Variants in PPFIBP2 observed in about 807,000 individuals in gnomAD.
The protein encoded by PPFIBP2 is PPFIB scaffold protein 2.
PPFIBP2 carries 118 observed loss-of-function variants against 118.3 expected under a neutral mutation model. The observed-to-expected ratio is 1.00, with a 90% CI of 0.86 to 1.16. PPFIBP2 has a LOEUF of 1.16. Ranked by LOEUF, PPFIBP2 falls within the 50% of genes most tolerant of loss-of-function variation. The pLI is 0.00. For synonymous variants in PPFIBP2, 414 were observed against 397.4 expected (o/e 1.04, Z -0.50); for missense variants, 1,195 against 1,073.1 (o/e 1.11, Z -1.59).
intron 6 of PPFIBP2, among the ~76,000 whole-genome samples, chr11:7,614,200 A>C (rs1848380667): frequency 6.6e-6 from 1 of 152,214 alleles, no homozygotes; most frequent in South Asian, 2.1e-4. Context: ...TCAAAAATCA[A>C]GTGTTCAAAA....
At chr11:7,589,398 C>G (rs2135178658) in intron 3 of PPFIBP2, among the ~76,000 whole-genome samples, 2 of 152,164 alleles carry the variant, frequency 1.3e-5, no homozygotes, top group East Asian at 3.9e-4. Flanking sequence ...TTGAGACTAT[C>G]CTGGCCAACG....
At chr11:7,563,001 A>T (rs926604508) in intron 2 of PPFIBP2, among the ~76,000 whole-genome samples, 1 of 146,748 alleles carries the variant, frequency 6.8e-6, no homozygotes, top group African/African-American at 2.5e-5. Context: ...ATATGCCTGT[A>T]AAACTTGGCA....
At chr11:7,636,366 G>A (rs552548696) in intron 14 of PPFIBP2, among the ~76,000 whole-genome samples, 1 of 151,914 alleles carries the variant, frequency 6.6e-6, no homozygotes, top group Non-Finnish European at 1.5e-5. Flanking sequence ...CTATATAAGG[G>A]GCTTCTCTAC....
the PPFIBP2 span, among the ~76,000 whole-genome samples, chr11:7,662,839 GTTCAT>G: frequency 1.3e-5 from 2 of 151,146 alleles, no homozygotes; most frequent in South Asian, 2.1e-4. Context: ...TGGAGGCTTT[GTTCAT>G]TTCTTTTTAT....
rs752244618 is a variant in PPFIBP2, at chr11:7,565,593, GC to G, written c.107del (p.Pro36LeufsTer10). ...CAGATCTTAGTGATGGTACTTGTGA[GC>G]CTGGACTGGCTTCCCCGGCCTCCTA... Reference protein sequence around the residue: ...GADLSDGTCEPGLASPASYMN... With the variant: ...GADLSDGTCEXGLASPASYMN... On this transcript the variant is annotated frameshift_variant, in exon 3 of 24. Coordinates refer to ENST00000299492, the MANE Select transcript of PPFIBP2 (RefSeq NM_003621.5). LOFTEE classifies it high-confidence loss of function. 1.2e-6 allele frequency: 2 copies of G among 1,614,062 alleles called. No individual in the cohort carries two copies. Among genetic ancestry groups the G allele is most frequent in the African/African-American group, 2.7e-5 (2 of 74,928 alleles).
At chr11:7,541,256 A>G (rs532919887) in intron 1 of PPFIBP2, among the ~76,000 whole-genome samples, 1 of 152,332 alleles carries the variant, frequency 6.6e-6, no homozygotes, top group South Asian at 2.1e-4. Context: ...TTAACAGCAA[A>G]GTTTGAGGAC....
intron 3 of PPFIBP2, 22 bp downstream of exon 3, chr11:7,565,789 T>C (rs770079842): frequency 3.1e-6 from 5 of 1,611,444 alleles, no homozygotes; most frequent in Middle Eastern, 1.7e-4. Flanking sequence ...CGTGGCCTGA[T>C]TGGGAACCAC....
intron 1 of PPFIBP2, among the ~76,000 whole-genome samples, chr11:7,535,737 G>A (rs192274088): frequency 1.3e-5 from 2 of 152,254 alleles, no homozygotes; most frequent in Admixed American, 6.5e-5. Context: ...GAGAGGCCAG[G>A]TGTTACTCAG....
chr11:7,564,718 T>A (rs951554698), intron 2 of PPFIBP2, among the ~76,000 whole-genome samples: 4 of 152,222 alleles, frequency 2.6e-5, no homozygotes, highest in African/African-American at 9.6e-5. Flanking sequence ...ATGGCTTCAT[T>A]CACATGTCTG....
At chr11:7,560,984 C>A (rs11041452) in intron 2 of PPFIBP2, among the ~76,000 whole-genome samples, 30,108 of 152,128 alleles carry the variant, frequency 0.2, 3,072 homozygotes, top group African/African-American at 0.22. Flanking sequence ...TGAGAAGTGG[C>A]TTGGGGACTT....
chr11:7,629,371 G>A, intron 9 of PPFIBP2, 88 bp from the exon 10 acceptor site: 2 of 1,282,768 alleles, frequency 1.6e-6, no homozygotes, highest in Non-Finnish European at 2.3e-6. Context: ...TCTTCTCCTT[G>A]TGCCAAGAAC....
chr11:7,608,797 A>G (rs1201509147), intron 5 of PPFIBP2, among the ~76,000 whole-genome samples: 3 of 152,222 alleles, frequency 2.0e-5, no homozygotes, highest in Non-Finnish European at 2.9e-5. Flanking sequence ...TATTAAGAAG[A>G]TGTATACAAA....
intron 5 of PPFIBP2, among the ~76,000 whole-genome samples, chr11:7,601,819 TGTG>T (rs1313358150): frequency 1.3e-5 from 2 of 150,816 alleles, no homozygotes; most frequent in Non-Finnish European, 3.0e-5. Flanking sequence ...ATTAGACAGG[TGTG>T]GTGGTACATA....
At chr11:7,540,442 T>C (rs1236709212) in intron 1 of PPFIBP2, among the ~76,000 whole-genome samples, 4 of 152,126 alleles carry the variant, frequency 2.6e-5, no homozygotes, top group African/African-American at 9.7e-5. Context: ...CCCAGGTTTT[T>C]ATCTTGGTGA....
At chr11:7,522,226 G>A (rs940345521) in intron 1 of PPFIBP2, among the ~76,000 whole-genome samples, 2 of 152,130 alleles carry the variant, frequency 1.3e-5, no homozygotes, top group African/African-American at 4.8e-5. Context: ...CAAGAAATCC[G>A]GCAGGATTTG....
At chr11:7,610,566 C>T in intron 6 of PPFIBP2, 144 bp downstream of exon 6, 1 of 1,186,974 alleles carries the variant, frequency 8.4e-7, no homozygotes, top group South Asian at 1.7e-5. Flanking sequence ...TCTGTTAATA[C>T]CAAGTTATCA....
Position 7,640,045 on chromosome 11 carries a change from C to T in PPFIBP2, c.1375+175C>T, listed in dbSNP as rs142053277. Among the ~76,000 whole-genome samples the T allele has an allele frequency of 4.1e-3, 617 of 152,236 alleles. 4 individuals carry two copies. The highest frequency in any genetic ancestry group is 0.013 in the African/African-American group (549 of 41,530). On this transcript the variant is annotated intron_variant, in intron 15 of 23. Coordinates refer to ENST00000299492, the MANE Select transcript of PPFIBP2 (RefSeq NM_003621.5). ...CACCTCCCCAGAGGCTCCCCCTGGG[C>T]GAGCTGTTTTCTAAGGTCAGCACTC...
At chr11:7,597,227 G>C in intron 4 of PPFIBP2, 1 of 1,521,428 alleles carries the variant, frequency 6.6e-7, no homozygotes, top group South Asian at 1.2e-5. Flanking sequence ...GTGCCTTGAG[G>C]TCGGGGCTGT....
intron 1 of PPFIBP2, among the ~76,000 whole-genome samples, chr11:7,515,261 T>C (rs1345727879): frequency 6.6e-6 from 1 of 152,244 alleles, no homozygotes; most frequent in African/African-American, 2.4e-5. Context: ...ATTGCATTTA[T>C]CCATGTTTTA....
Sources: allele counts gnomAD v4.1 joint callset (sites outside exome capture counted in the v4.1 genomes callset), GRCh38; gene constraint gnomAD v4.1.1; transcripts MANE v1.5; gene names NCBI Gene and HGNC (gene_info 2026-07-23, HGNC 2026-07-21).